The following GNB1L variants were observed in gnomAD, a reference collection of about 807,000 sequenced individuals.
GNB1L encodes guanine nucleotide-binding protein subunit beta-like protein 1.
In GNB1L, 20 loss-of-function variants were observed where a neutral mutation model predicts 29.1. The observed-to-expected ratio is 0.69, with a 90% CI of 0.48 to 1.00. GNB1L has a LOEUF of 1.00. Among genes scored for constraint, GNB1L ranks in the 50% least tolerant of loss-of-function variants. The pLI, the probability that GNB1L is intolerant of heterozygous loss-of-function variation, is 0.00. For synonymous variants in GNB1L, 193 were observed against 206.5 expected (o/e 0.93, Z 0.56); for missense variants, 421 against 464.9 (o/e 0.91, Z 0.87).
At chr22:19,823,509 G>A (rs1010224375) in intron 2 of GNB1L, among the ~76,000 whole-genome samples, 2 of 152,218 alleles carry the variant, frequency 1.3e-5, no homozygotes, top group Non-Finnish European at 2.9e-5. Context: ...GGGACAGGAA[G>A]GCAGGGCCCA....
intron 2 of GNB1L, among the ~76,000 whole-genome samples, chr22:19,838,630 C>T (rs907128196): frequency 7.2e-5 from 11 of 152,032 alleles, no homozygotes; most frequent in African/African-American, 1.2e-4. Flanking sequence ...CCACCGCGCC[C>T]GGCTAATTTT....
intron 2 of GNB1L, among the ~76,000 whole-genome samples, chr22:19,841,296 A>T (rs1202448414): frequency 6.6e-6 from 1 of 152,140 alleles, no homozygotes; most frequent in African/African-American, 2.4e-5. Context: ...ATTGTACAAG[A>T]TTCTTGTGCT....
intron 2 of GNB1L, chr22:19,846,754 C>T (rs369699877): frequency 1.1e-5 from 4 of 367,644 alleles, no homozygotes; most frequent in Admixed American, 1.3e-4. Context: ...GACAGGGACA[C>T]GGCAAGAAGA....
At position 19,788,693 on chromosome 22, in the gene GNB1L, G is replaced by C. The variant is rs777222184; in HGVS notation, c.*16C>G. 7.4e-6 allele frequency: 12 copies of C among 1,611,864 alleles called. No homozygotes were observed. In the South Asian group the frequency reaches 1.2e-4, roughly 16 times the overall value. ...CCTGCCCGCCCTCCTCGTCTCCCGG[G>C]AAGGGAGTGGGTGAGTCATGCGCGT... On this transcript the variant is annotated 3_prime_UTR_variant, in exon 8 of 8. Transcript: ENST00000329517.
At position 19,797,540 on chromosome 22, in the gene GNB1L, C is replaced by T. The variant is rs532613157; in HGVS notation, c.732+4461G>A. On this transcript the variant is annotated intron_variant, in intron 7 of 7. Coordinates refer to ENST00000329517, the MANE Select transcript of GNB1L (RefSeq NM_053004.3). ...CAGGCACCCATTCAAGACCCAGATTCTTTCCCCAGGAGGGGTGGGAGGAGC... is the reference window on the plus strand; with the variant it reads ...CAGGCACCCATTCAAGACCCAGATTTTTTCCCCAGGAGGGGTGGGAGGAGC... Among the ~76,000 whole-genome samples the T allele has an allele frequency of 5.9e-5, 9 of 152,320 alleles. No individual in the cohort carries two copies. In the South Asian group the frequency reaches 1.7e-3, roughly 28 times the overall value.
At chr22:19,851,689 C>G in intron 2 of GNB1L, 1 of 1,598,724 alleles carries the variant, frequency 6.3e-7, no homozygotes, top group Non-Finnish European at 8.5e-7. Flanking sequence ...GACAGGTAAC[C>G]ACAGCATGGT....
chr22:19,849,167 G>A, intron 2 of GNB1L: 1 of 985,386 alleles, frequency 1.0e-6, no homozygotes. Flanking sequence ...CAGCTCACTT[G>A]CTTTGCTACC....
Position 19,801,653 on chromosome 22 carries a change from GTTTTT to G in GNB1L, c.732+343_732+347del, listed in dbSNP as rs546357448. Among the ~76,000 whole-genome samples the G allele has an allele frequency of 7.3e-5, 10 of 137,694 alleles. No individual in the cohort carries two copies. The South Asian group carries it at 2.1e-3, about 29-fold the overall frequency. 90.3% of individuals were successfully genotyped at this position (137,694 alleles called of 152,430 possible). A position where few individuals can be genotyped will look rare whatever the true frequency, so the allele number is the denominator to read the frequency against. ...CAGCTCCTCGCAGTTTTCCACACTG[GTTTTT>G]TTTTTTTTTTTTTGATTAATCAGTT... On this transcript the variant is annotated intron_variant, in intron 7 of 7. Coordinates refer to ENST00000329517, the MANE Select transcript of GNB1L (RefSeq NM_053004.3).
chr22:19,804,364 G>T (rs1373836714), intron 6 of GNB1L, among the ~76,000 whole-genome samples: 1 of 152,220 alleles, frequency 6.6e-6, no homozygotes, highest in Non-Finnish European at 1.5e-5. Context: ...GCTGTGGGAA[G>T]CCCTCCATGC....
At chr22:19,803,347 G>T (rs553248731) in intron 6 of GNB1L, among the ~76,000 whole-genome samples, 1 of 152,198 alleles carries the variant, frequency 6.6e-6, no homozygotes, top group Non-Finnish European at 1.5e-5. Context: ...AGGAGGAGGC[G>T]AGTGGCGGTC....
intron 4 of GNB1L, 96 bp downstream of exon 4, chr22:19,820,502 C>T (rs936749797): frequency 3.7e-6 from 5 of 1,343,074 alleles, no homozygotes; most frequent in Non-Finnish European, 5.2e-6. Flanking sequence ...TTCCCCCACC[C>T]CATTCTGCCC....
intron 7 of GNB1L, among the ~76,000 whole-genome samples, chr22:19,794,435 C>G (rs544088831): frequency 1.3e-5 from 2 of 152,314 alleles, no homozygotes; most frequent in East Asian, 3.9e-4. Context: ...AGGTTGCACA[C>G]TCTTGGAGTG....
intron 5 of GNB1L, among the ~76,000 whole-genome samples, chr22:19,809,641 T>C (rs563222424): frequency 1.5e-4 from 23 of 152,208 alleles, no homozygotes; most frequent in African/African-American, 5.5e-4. Context: ...GGTCAAAGCC[T>C]CACAGCCTGC....
intron 5 of GNB1L, among the ~76,000 whole-genome samples, chr22:19,809,283 C>T (rs903773740): frequency 1.1e-4 from 17 of 151,900 alleles, no homozygotes; most frequent in East Asian, 9.7e-4. Flanking sequence ...AACCAGCGAG[C>T]GGAATGAGGT....
rs759238279 is a variant in GNB1L at position 19,800,709 on chromosome 22, G to A, written c.732+1292C>T. On this transcript the variant is annotated intron_variant, in intron 7 of 7. Transcript: ENST00000329517. The stretch of plus-strand genomic sequence containing the variant: ...TGCCCCCATCCCCAGGACAGCTGAC[G>A]GATGGGTGAGGGATGGACACAGCTC... Among the ~76,000 whole-genome samples, 107 of 150,638 alleles carry A rather than the reference G, an allele frequency of 7.1e-4. 1 individual carries two copies. The highest frequency in any genetic ancestry group is 1.1e-3 in the Non-Finnish European group (73 of 68,020).
chr22:19,838,311 C>T (rs757947680), intron 2 of GNB1L, among the ~76,000 whole-genome samples: 1 of 152,128 alleles, frequency 6.6e-6, no homozygotes, highest in Non-Finnish European at 1.5e-5. Flanking sequence ...CACTACATAC[C>T]TACTAGAGTG....
intron 4 of GNB1L, among the ~76,000 whole-genome samples, chr22:19,813,322 G>C (rs1449683339): frequency 1.3e-5 from 2 of 152,172 alleles, no homozygotes; most frequent in East Asian, 3.8e-4. Context: ...GCTGAGTCTA[G>C]GGTGGAGTGG....
At chr22:19,832,209 A>G (rs753994136) in intron 2 of GNB1L, among the ~76,000 whole-genome samples, 1 of 152,166 alleles carries the variant, frequency 6.6e-6, no homozygotes, top group Non-Finnish European at 1.5e-5. Context: ...GTGTGCTTGC[A>G]GGCCTAGTTA....
chr22:19,815,398 C>T (rs1326556484), intron 4 of GNB1L, among the ~76,000 whole-genome samples: 1 of 152,154 alleles, frequency 6.6e-6, no homozygotes, highest in Non-Finnish European at 1.5e-5. Context: ...GTGCACAGCC[C>T]CCGTGGCTCT....
Sources: gnomAD v4.1 joint callset for allele counts (sites outside exome capture counted in the v4.1 genomes callset) on GRCh38, gnomAD v4.1.1 for gene constraint, MANE v1.5 for transcripts, NCBI Gene and HGNC (gene_info 2026-07-23, HGNC 2026-07-21) for gene names.